Variants in ITGBL1 observed in about 807,000 individuals in gnomAD.
ITGBL1 encodes the protein integrin subunit beta like 1.
ITGBL1 carries 51 observed loss-of-function variants against 68.5 expected under a neutral mutation model. The ratio of observed to expected loss-of-function variants is 0.74; its 90% CI spans 0.59 to 0.94. The LOEUF (loss-of-function observed/expected upper bound fraction) is 0.94, where lower values mean the gene tolerates loss of function less well. Among genes scored for constraint, ITGBL1 ranks in the 40% least tolerant of loss-of-function variants. ITGBL1 has a pLI of 0.00. For missense variants in ITGBL1, 649 were observed against 647.4 expected, an observed-to-expected ratio of 1.00 and a Z score of -0.03; for synonymous variants, 209 against 227.3, an observed-to-expected ratio of 0.92 and a Z score of 0.72.
chr13:101,600,563 T>G (rs2030303422), intron 7 of ITGBL1, among the ~76,000 whole-genome samples: 1 of 152,138 alleles, frequency 6.6e-6, no homozygotes, highest in South Asian at 2.1e-4. Context: ...AGTATGATAT[T>G]GGCTGTGGGT....
intron 9 of ITGBL1, among the ~76,000 whole-genome samples, chr13:101,709,980 G>A (rs1350976314): frequency 1.3e-5 from 2 of 152,192 alleles, no homozygotes; most frequent in Admixed American, 6.5e-5. Context: ...CATCATAAAT[G>A]TAGAAAATAC....
intron 2 of ITGBL1, among the ~76,000 whole-genome samples, chr13:101,539,323 A>G (rs1286636097): frequency 1.3e-5 from 2 of 150,522 alleles, no homozygotes; most frequent in Non-Finnish European, 2.9e-5. Flanking sequence ...TATCCTTGTG[A>G]TAGCTTGCTG....
chr13:101,680,359 G>A (rs1282139132), intron 7 of ITGBL1, among the ~76,000 whole-genome samples: 3 of 151,968 alleles, frequency 2.0e-5, no homozygotes, highest in Non-Finnish European at 4.4e-5. Flanking sequence ...TTTTATGTGA[G>A]CCTCTAATTA....
At chr13:101,493,008 A>G (rs963157801) in intron 2 of ITGBL1, among the ~76,000 whole-genome samples, 1 of 152,196 alleles carries the variant, frequency 6.6e-6, no homozygotes. Flanking sequence ...ATCTCTGTTA[A>G]GCATGTAGTA....
chr13:101,606,174 T>TTATATATATATATATATATATATATA (rs4000927), intron 7 of ITGBL1, among the ~76,000 whole-genome samples: 2 of 138,044 alleles, frequency 1.4e-5, no homozygotes, highest in African/African-American at 5.4e-5. Flanking sequence ...ATTAGGATTT[T>TTATATATATATATATATATATATATA]TATATATATA....
intron 2 of ITGBL1, among the ~76,000 whole-genome samples, chr13:101,496,428 G>A (rs2048858927): frequency 6.6e-6 from 1 of 152,108 alleles, no homozygotes. Flanking sequence ...TGAAAATTCT[G>A]GTTCTATGAT....
At chr13:101,464,606 T>C (rs1274812945) in intron 2 of ITGBL1, among the ~76,000 whole-genome samples, 1 of 152,120 alleles carries the variant, frequency 6.6e-6, no homozygotes, top group African/African-American at 2.4e-5. Flanking sequence ...TCAAAATACA[T>C]ATATTTTACC....
chr13:101,617,304 A>G (rs940893647), intron 7 of ITGBL1, among the ~76,000 whole-genome samples: 4 of 152,280 alleles, frequency 2.6e-5, no homozygotes, highest in Non-Finnish European at 5.9e-5. Flanking sequence ...ACTATAAGTC[A>G]TAAGAATTTG....
At chr13:101,486,879 C>A (rs989112664) in intron 2 of ITGBL1, among the ~76,000 whole-genome samples, 2 of 151,852 alleles carry the variant, frequency 1.3e-5, no homozygotes, top group African/African-American at 2.4e-5. Flanking sequence ...TTTCACACAC[C>A]CAAAAATGCC....
chr13:101,658,518 A>T lies in ITGBL1; in HGVS notation c.1016-34067A>T, dbSNP rs1303546890. ...ATACTTTTTAAATCAGTTAAATTAT[A>T]ATCTAAAATAAAAGGTGATTTTAGT... On this transcript the variant is annotated intron_variant, in intron 7 of 10. Transcript: ENST00000376180. Among the ~76,000 whole-genome samples, 6 of 152,178 alleles carry T rather than the reference A, an allele frequency of 3.9e-5. No homozygotes were observed. In the East Asian group the frequency reaches 1.2e-3, roughly 29 times the overall value.
chr13:101,617,435 A>G (rs1479186139), intron 7 of ITGBL1, among the ~76,000 whole-genome samples: 2 of 152,110 alleles, frequency 1.3e-5, no homozygotes, highest in Non-Finnish European at 2.9e-5. Context: ...CTTAGGTTTT[A>G]GTGTGTATCC....
At chr13:101,630,114 G>A (rs755176215) in intron 7 of ITGBL1, among the ~76,000 whole-genome samples, 3 of 152,082 alleles carry the variant, frequency 2.0e-5, no homozygotes, top group East Asian at 1.9e-4. Context: ...GAGCCACCGC[G>A]CCTGGCCTTA....
intron 4 of ITGBL1, among the ~76,000 whole-genome samples, chr13:101,578,459 A>G (rs1014064747): frequency 6.6e-6 from 1 of 152,236 alleles, no homozygotes; most frequent in African/African-American, 2.4e-5. Context: ...TGAGAGTATA[A>G]GAAGTAAAAT....
At chr13:101,471,677 TA>T in intron 2 of ITGBL1, among the ~76,000 whole-genome samples, 1 of 152,288 alleles carries the variant, frequency 6.6e-6, no homozygotes, top group East Asian at 1.9e-4. Context: ...ATTTTTATGC[TA>T]CCCAAGCTAC....
At chr13:101,505,819 T>G (rs1298777397) in intron 2 of ITGBL1, among the ~76,000 whole-genome samples, 1 of 152,212 alleles carries the variant, frequency 6.6e-6, no homozygotes, top group Non-Finnish European at 1.5e-5. Context: ...AGCCACTGAA[T>G]AGGAGGACAC....
chr13:101,522,213 A>G (rs1044802841), intron 2 of ITGBL1, among the ~76,000 whole-genome samples: 2 of 152,286 alleles, frequency 1.3e-5, no homozygotes, highest in Non-Finnish European at 1.5e-5. Flanking sequence ...GAAGACTTCA[A>G]CATACGAATG....
At chr13:101,572,344 T>C (rs959702113) in intron 3 of ITGBL1, among the ~76,000 whole-genome samples, 3 of 152,030 alleles carry the variant, frequency 2.0e-5, no homozygotes, top group Admixed American at 6.6e-5. Context: ...GAGCTGGGGA[T>C]CAAAGTGTTC....
At chr13:101,691,321 G>A (rs149163543) in intron 7 of ITGBL1, among the ~76,000 whole-genome samples, 60 of 152,270 alleles carry the variant, frequency 3.9e-4, no homozygotes, top group Admixed American at 1.3e-3. Flanking sequence ...CAAAGGGATC[G>A]TGACCCCATC....
chr13:101,605,881 T>G (rs983061965), intron 7 of ITGBL1, among the ~76,000 whole-genome samples: 2 of 150,236 alleles, frequency 1.3e-5, no homozygotes, highest in Non-Finnish European at 3.0e-5. Flanking sequence ...TATACACATA[T>G]ATAGACATGT....
Sources: gnomAD v4.1 joint callset for allele counts (sites outside exome capture counted in the v4.1 genomes callset) on GRCh38, gnomAD v4.1.1 for gene constraint, MANE v1.5 for transcripts, NCBI Gene and HGNC (gene_info 2026-07-23, HGNC 2026-07-21) for gene names.